The following GATAD2B variants were observed in gnomAD, a reference collection of about 807,000 sequenced individuals.
GATAD2B encodes the protein transcriptional repressor p66-beta.
In GATAD2B, 8 loss-of-function variants were observed where a neutral mutation model predicts 64.3. The ratio of observed to expected loss-of-function variants is 0.12; its 90% CI spans 0.07 to 0.22. The LOEUF (loss-of-function observed/expected upper bound fraction) is 0.22, where lower values mean the gene tolerates loss of function less well. Ranked by LOEUF, GATAD2B falls within the 10% of genes least tolerant of loss-of-function variation. The pLI is 1.00. For missense variants in GATAD2B, 453 were observed against 752.0 expected (o/e 0.60, Z 4.65); for synonymous variants, 281 against 271.3 (o/e 1.04, Z -0.35).
At chr1:153,824,231 A>G (rs1674788172) in intron 2 of GATAD2B, among the ~76,000 whole-genome samples, 1 of 140,026 alleles carries the variant, frequency 7.1e-6, no homozygotes, top group South Asian at 2.3e-4. Flanking sequence ...GTGCACTATG[A>G]CAGTGCTTGT....
intron 1 of GATAD2B, among the ~76,000 whole-genome samples, chr1:153,904,018 C>A (rs775196052): frequency 6.6e-6 from 1 of 152,058 alleles, no homozygotes; most frequent in African/African-American, 2.4e-5. Flanking sequence ...CGGTGGCTCA[C>A]GCCTGTAATC....
chr1:153,886,392 G>T (rs1384972035), intron 1 of GATAD2B: 1 of 152,048 alleles, frequency 6.6e-6, no homozygotes, highest in Non-Finnish European at 1.5e-5. Context: ...TCTAAACATA[G>T]AAAATGTATG....
chr1:153,851,577 T>C (rs1347800783), intron 1 of GATAD2B, among the ~76,000 whole-genome samples: 2 of 152,200 alleles, frequency 1.3e-5, no homozygotes, highest in African/African-American at 4.8e-5. Context: ...TTTTATGTCT[T>C]CTTTGGAGAA....
intron 1 of GATAD2B, among the ~76,000 whole-genome samples, chr1:153,869,182 C>T (rs192372529): frequency 6.6e-6 from 1 of 151,386 alleles, no homozygotes; most frequent in African/African-American, 2.4e-5. Context: ...GTCCCAGCTA[C>T]TTGAGAGGCT....
chr1:153,819,396 C>T (rs1674594702), intron 3 of GATAD2B, among the ~76,000 whole-genome samples: 1 of 152,100 alleles, frequency 6.6e-6, no homozygotes, highest in African/African-American at 2.4e-5. Flanking sequence ...AGTATAATGG[C>T]CTACATATAT....
chr1:153,895,190 G>C (rs1036929602), intron 1 of GATAD2B, among the ~76,000 whole-genome samples: 1 of 151,992 alleles, frequency 6.6e-6, no homozygotes, highest in Non-Finnish European at 1.5e-5. Context: ...AAGTTAGCTG[G>C]GCGTGGTGGA....
chr1:153,920,968 T>A (rs942078017), intron 1 of GATAD2B, among the ~76,000 whole-genome samples: 1 of 152,130 alleles, frequency 6.6e-6, no homozygotes, highest in South Asian at 2.1e-4. Flanking sequence ...GGACTAGATA[T>A]CCGTCACAAA....
chr1:153,845,859 C>A (rs1344451969), intron 1 of GATAD2B, among the ~76,000 whole-genome samples: 1 of 152,010 alleles, frequency 6.6e-6, no homozygotes, highest in Non-Finnish European at 1.5e-5. Flanking sequence ...TGTTTAAGCT[C>A]TGGTGTTTGA....
At chr1:153,912,904 C>T (rs1678147820) in intron 1 of GATAD2B, among the ~76,000 whole-genome samples, 1 of 151,620 alleles carries the variant, frequency 6.6e-6, no homozygotes, top group African/African-American at 2.4e-5. Context: ...ACCAGCCTGG[C>T]CAACATGGTG....
chr1:153,812,306 C>T (rs1674320047), intron 8 of GATAD2B, 174 bp from the exon 9 acceptor site: 2 of 567,390 alleles, frequency 3.5e-6, no homozygotes, highest in Admixed American at 6.4e-5. Context: ...GCTGGGATTA[C>T]AGGCATGAAT....
chr1:153,839,309 A>G (rs1040277960), intron 1 of GATAD2B, among the ~76,000 whole-genome samples: 1 of 152,050 alleles, frequency 6.6e-6, no homozygotes, highest in Non-Finnish European at 1.5e-5. Flanking sequence ...GATTTGCAGC[A>G]AAGACTTAAG....
intron 1 of GATAD2B, among the ~76,000 whole-genome samples, chr1:153,837,316 T>C (rs1210559483): frequency 6.7e-6 from 1 of 150,178 alleles, no homozygotes; most frequent in East Asian, 1.9e-4. Flanking sequence ...CAGAGTAAGA[T>C]GCCCTTATCT....
chr1:153,879,845 A>C (rs1490404725), intron 1 of GATAD2B, among the ~76,000 whole-genome samples: 1 of 151,982 alleles, frequency 6.6e-6, no homozygotes, highest in Non-Finnish European at 1.5e-5. Flanking sequence ...CCTAATTGCC[A>C]ATGAAAGACA....
intron 1 of GATAD2B, among the ~76,000 whole-genome samples, chr1:153,922,412 G>A (rs925962751): frequency 3.3e-5 from 5 of 151,300 alleles, no homozygotes; most frequent in Admixed American, 2.0e-4. Flanking sequence ...AGAGTACAAG[G>A]AGACGAAATG....
chr1:153,836,613 T>C (rs1675279705), intron 1 of GATAD2B, among the ~76,000 whole-genome samples: 1 of 151,252 alleles, frequency 6.6e-6, no homozygotes, highest in South Asian at 2.1e-4. Flanking sequence ...GCCCAGGAGT[T>C]TGAGGCTGCA....
At chr1:153,899,475 G>A (rs1261167449) in intron 1 of GATAD2B, among the ~76,000 whole-genome samples, 2 of 151,816 alleles carry the variant, frequency 1.3e-5, no homozygotes, top group East Asian at 3.9e-4. Flanking sequence ...GCTGAGGCAG[G>A]AAAATTGCTT....
intron 1 of GATAD2B, among the ~76,000 whole-genome samples, chr1:153,867,620 G>A (rs1162404895): frequency 6.6e-6 from 1 of 152,124 alleles, no homozygotes; most frequent in Non-Finnish European, 1.5e-5. Flanking sequence ...AGCACTTTGG[G>A]AGGCTGAGGC....
intron 1 of GATAD2B, chr1:153,852,503 A>G: frequency 1.3e-6 from 1 of 764,716 alleles, no homozygotes; most frequent in African/African-American, 1.7e-5. Flanking sequence ...TGTGCTCTGC[A>G]CAGTGGGACT....
chr1:153,815,990 T>C lies in GATAD2B; in HGVS notation c.1216+283A>G, dbSNP rs568007809. ...ATTGCTTGAACTCAGGAGGCAGAGG[T>C]TGCAGTGAACTGAGATTGTGCCACT... On this transcript the variant is annotated intron_variant, in intron 7 of 10. Coordinates refer to ENST00000368655, the MANE Select transcript of GATAD2B (RefSeq NM_020699.4). 6.0e-5 allele frequency among the ~76,000 whole-genome samples: 9 copies of C among 150,958 alleles called. No individual in the cohort carries two copies. In the South Asian group the frequency reaches 1.7e-3, roughly 28 times the overall value.
Sources: allele counts gnomAD v4.1 joint callset (sites outside exome capture counted in the v4.1 genomes callset), GRCh38; gene constraint gnomAD v4.1.1; transcripts MANE v1.5; gene names NCBI Gene and HGNC (gene_info 2026-07-23, HGNC 2026-07-21).